TRIM28: variants seen among roughly 807,000 people sequenced by gnomAD.
The protein encoded by TRIM28 is tripartite motif containing 28.
A neutral mutation model predicts 87.4 loss-of-function variants in TRIM28; 8 were observed. The ratio of observed to expected loss-of-function variants is 0.09; its 90% CI spans 0.05 to 0.17. The LOEUF is 0.17. Among genes scored for constraint, TRIM28 ranks in the 10% least tolerant of loss-of-function variants. The pLI is 1.00. For synonymous variants in TRIM28, 601 were observed against 454.3 expected (o/e 1.32, Z -4.11); for missense variants, 968 against 1,131.8 (o/e 0.86, Z 2.08).
In TRIM28 at chr19:58,550,377, G is replaced by T; in HGVS notation, c.2332G>T (p.Asp778Tyr). ...MFKQFNKLTE[D>Y]KADVQSIIGL... ...TCCACTGCATTCCTGCTTGGCCCAG[G>T]ACAAGGCAGACGTGCAGTCCATCAT... is the stretch of plus-strand genomic sequence containing the variant. The change falls in exon 17 of 17, where the codon GAC becomes TAC. Residue 778 changes from aspartate to tyrosine, a missense_variant and splice_region_variant. Asp to Tyr is a radical substitution (Grantham distance 160, BLOSUM62 -3). Coordinates refer to ENST00000253024, the MANE Select transcript of TRIM28 (RefSeq NM_005762.3). 6.2e-7 allele frequency: 1 copy of T among 1,613,956 alleles called. No homozygotes were observed.
intron 1 of TRIM28, 150 bp from the exon 2 acceptor site, chr19:58,545,275 C>T (rs1476153542): frequency 1.9e-5 from 17 of 890,472 alleles, no homozygotes; most frequent in Middle Eastern, 3.6e-4. Flanking sequence ...GATGGGACAT[C>T]TGACTAAAGT....
At position 58,549,202 on chromosome 19, in the gene TRIM28, C is replaced by G. The variant is rs1352311708; in HGVS notation, c.1624C>G (p.Pro542Ala). The G allele has an allele frequency of 1.9e-6, 3 of 1,613,748 alleles. No homozygotes were observed. The African/African-American group carries it at 4.0e-5, about 22-fold the overall frequency. Residue 542 changes from proline to alanine, a missense_variant, in exon 12 of 17, where the codon CCT (proline) becomes GCT (alanine). Around this residue, in one of 11 missense-constraint regions of TRIM28, gnomAD observed 164 missense variants for 146.2 expected, o/e 1.12. Transcript: ENST00000253024. The surrounding 1 kb of genome is among the most constrained non-coding windows in gnomAD (Gnocchi z 4.4). ...GCCAGGGACTGCGCCTGCAGGAACC[C>G]CTGGTGCCCCACCCCTGGCTGGCAT... ...GQPGTAPAGT[P>A]GAPPLAGMAI...
Position 58,545,083 on chromosome 19 carries a change from C to A in TRIM28, c.326C>A (p.Ala109Glu). The A allele has an allele frequency of 2.8e-6, 4 of 1,432,046 alleles. No individual in the cohort carries two copies. Among genetic ancestry groups the A allele is most frequent in the Non-Finnish European group, 3.6e-6 (4 of 1,105,930 alleles). 88.7% of individuals were successfully genotyped at this position (1,432,046 alleles called of 1,614,324 possible). The change falls in exon 1 of 17, where the codon GCG becomes GAG. Residue 109 changes from alanine (A) to glutamate (E), a missense_variant. Around this residue, in one of 11 missense-constraint regions of TRIM28, gnomAD observed 208 missense variants for 170.9 expected, o/e 1.22. Transcript: ENST00000253024. ...AACAGCTCGGGGGACGGCGGGGCGG[C>A]GGGCGACGGCACCGGTAAGTACGAA... ...AANSSGDGGA[A>E]GDGTVVDCPV... is the part of the protein sequence containing the mutation.
chr19:58,544,771 C>A lies in TRIM28; in HGVS notation c.14C>A (p.Ala5Glu). The A allele has an allele frequency of 1.7e-6, 2 of 1,145,194 alleles. No homozygotes were observed. The highest frequency in any genetic ancestry group is 2.1e-6 in the Non-Finnish European group (2 of 934,110). The allele number at this position is 1,145,194 out of a possible 1,614,324, so 70.9% of individuals were successfully genotyped here. Residue 5 changes from alanine to glutamate, a missense_variant, in exon 1 of 17, where the codon GCG (alanine) becomes GAG (glutamate). Physicochemically the swap from Ala to Glu is moderately radical, Grantham distance 107 (BLOSUM62 -1). Around this residue, in one of 11 missense-constraint regions of TRIM28, gnomAD observed 208 missense variants for 170.9 expected, o/e 1.22. Transcript: ENST00000253024. ...GGCGGCGTGTGAATGGCGGCCTCCG[C>A]GGCGGCAGCCTCGGCAGCAGCGGCC... The part of the protein sequence containing the change: MAAS[A>E]AAASAAAASA...
chr19:58,545,090 C>T lies in TRIM28; in HGVS notation c.333C>T (p.Asp111=). 1 of 1,426,582 alleles carries T rather than the reference C, an allele frequency of 7.0e-7. No individual in the cohort carries two copies. Among genetic ancestry groups the T allele is most frequent in the African/African-American group, 1.5e-5 (1 of 67,160 alleles). The allele number at this position is 1,426,582 out of a possible 1,614,324, so 88.4% of individuals were successfully genotyped here. A position where few individuals can be genotyped will look rare whatever the true frequency, so the allele number is the denominator to read the frequency against. ...CGGGGGACGGCGGGGCGGCGGGCGACGGCACCGGTAAGTACGAAGTGATCG... is the reference window on the plus strand; with the variant it reads ...CGGGGGACGGCGGGGCGGCGGGCGATGGCACCGGTAAGTACGAAGTGATCG... ...NSSGDGGAAG[D]GTVVDCPVCK... The change falls in exon 1 of 17, where the codon GAC becomes GAT. Residue 111 remains aspartate, a synonymous_variant. Coordinates refer to ENST00000253024, the MANE Select transcript of TRIM28 (RefSeq NM_005762.3).
In TRIM28 at chr19:58,548,722, G is replaced by T; in HGVS notation, c.1324-18G>T. ...GGTTCCTGTCCCACTGAGGCAGAGG[G>T]TTCTGCTTTGTTCACAGCCCATGGA... is the stretch of plus-strand genomic sequence containing the variant. On this transcript the variant is annotated intron_variant, in intron 9 of 16. Transcript: ENST00000253024. 1.2e-6 allele frequency: 2 copies of T among 1,613,426 alleles called. No individual in the cohort carries two copies. The highest frequency in any genetic ancestry group is 1.3e-5 in the African/African-American group (1 of 74,992).
At chr19:58,547,228 G>A (rs539746166) in intron 3 of TRIM28, 148 bp from the exon 4 acceptor site, 2 of 994,312 alleles carry the variant, frequency 2.0e-6, no homozygotes, top group Non-Finnish European at 2.9e-6. Context: ...TTGCAGGCCT[G>A]TGTTCTTCCC....
At chr19:58,547,266 A>G in intron 3 of TRIM28, 110 bp from the exon 4 acceptor site, 2 of 1,414,668 alleles carry the variant, frequency 1.4e-6, no homozygotes, top group Non-Finnish European at 9.7e-7. Context: ...TCTTCCCAAT[A>G]AATGGCCCAG....
At position 58,549,185 on chromosome 19, in the gene TRIM28, C is replaced by G. The variant is rs754388149; in HGVS notation, c.1607C>G (p.Thr536Ser). ...GCTGCAGCTACCGGCCAGCCAGGGACTGCGCCTGCAGGAACCCCTGGTGCC... is the reference window on the plus strand; with the variant it reads ...GCTGCAGCTACCGGCCAGCCAGGGAGTGCGCCTGCAGGAACCCCTGGTGCC... ...AAAAATGQPG[T>S]APAGTPGAPP... Residue 536 changes from threonine (T) to serine (S), a missense_variant, in exon 12 of 17, where the codon ACT (threonine) becomes AGT (serine). Coordinates refer to ENST00000253024, the MANE Select transcript of TRIM28 (RefSeq NM_005762.3). This position sits in a 1 kb window ranked among gnomAD's most constrained non-coding sequence, Gnocchi z 4.4. 11 of 1,613,934 alleles carry G rather than the reference C, an allele frequency of 6.8e-6. No homozygotes were observed. Among genetic ancestry groups the G allele is most frequent in the Non-Finnish European group, 7.6e-6 (9 of 1,179,928 alleles).
chr19:58,545,348 C>T (rs1025864996), intron 1 of TRIM28, 77 bp from the exon 2 acceptor site: 3 of 1,223,170 alleles, frequency 2.5e-6, no homozygotes, highest in Admixed American at 4.1e-5. Context: ...GTCGGGGGCC[C>T]ACCCAGCAGG....
At chr19:58,545,699 T>C in intron 2 of TRIM28, 65 bp from the exon 3 acceptor site, 2 of 1,575,258 alleles carry the variant, frequency 1.3e-6, no homozygotes, top group Non-Finnish European at 1.7e-6. Flanking sequence ...GGTTGTATTT[T>C]CTGGGATGTA....
Position 58,549,120 on chromosome 19 carries a change from T to G in TRIM28, c.1542T>G (p.Thr514=), listed in dbSNP as rs1281428307. The part of the protein sequence containing the change: ...PVFKVFPGST[T]EDYNLIVIER... ...TCAAGGTCTTCCCAGGCAGTACCAC[T>G]GAGGACTACAACCTTATTGTTATTG... Residue 514 remains threonine, a synonymous_variant, in exon 12 of 17, where the codon ACT becomes ACG. Coordinates refer to ENST00000253024, the MANE Select transcript of TRIM28 (RefSeq NM_005762.3). This position sits in a 1 kb window ranked among gnomAD's most constrained non-coding sequence, Gnocchi z 4.4. 3 of 1,614,160 alleles carry G rather than the reference T, an allele frequency of 1.9e-6. No homozygotes were observed. The highest frequency in any genetic ancestry group is 2.5e-6 in the Non-Finnish European group (3 of 1,180,016).
At position 58,548,675 on chromosome 19, in the gene TRIM28, G is replaced by C. The variant is rs374218348; in HGVS notation, c.1324-65G>C. On this transcript the variant is annotated intron_variant, in intron 9 of 16. Transcript: ENST00000253024. The stretch of plus-strand genomic sequence containing the variant: ...AGAGAGGACCCAGGCAGGGGGGGTG[G>C]GCAGGGAATGGGGTCCAGTAGGGTT... 3 of 1,606,106 alleles carry C rather than the reference G, an allele frequency of 1.9e-6. No homozygotes were observed. The African/African-American group carries it at 4.0e-5, about 22-fold the overall frequency.
At position 58,545,479 on chromosome 19, in the gene TRIM28, A is replaced by G. The variant is rs754363269; in HGVS notation, c.395A>G (p.Asn132Ser). 1 of 1,581,850 alleles carries G rather than the reference A, an allele frequency of 6.3e-7. No homozygotes were observed. The highest frequency in any genetic ancestry group is 8.6e-7 in the Non-Finnish European group (1 of 1,160,012). The stretch of plus-strand genomic sequence containing the variant: ...TGCTTCTCCAAAGACATCGTGGAGA[A>G]TTATTTCATGCGTGATAGTGGCAGC... ...QQCFSKDIVENYFMRDSGSKA... is the reference protein window; with the variant it reads ...QQCFSKDIVESYFMRDSGSKA... The change falls in exon 2 of 17, where the codon AAT becomes AGT. Residue 132 changes from asparagine (N) to serine (S), a missense_variant. By Grantham distance (46) the Asn-to-Ser change is conservative. Around this residue, in one of 11 missense-constraint regions of TRIM28, gnomAD observed 51 missense variants for 69.3 expected, o/e 0.74. Transcript: ENST00000253024.
chr19:58,544,809 G>C lies in TRIM28; in HGVS notation c.52G>C (p.Gly18Arg). Residue 18 changes from glycine to arginine, a missense_variant, in exon 1 of 17, where the codon GGC (glycine) becomes CGC (arginine). This residue lies in a region of TRIM28 where 208 missense variants were observed against 170.9 expected (regional missense o/e 1.22). Coordinates refer to ENST00000253024, the MANE Select transcript of TRIM28 (RefSeq NM_005762.3). ...ASAAAASAAS[G>R]SPGPGEGSAG... is the part of the protein sequence containing the mutation. ...GGCAGCAGCGGCCTCGGCCGCCTCT[G>C]GCAGCCCGGGCCCGGGCGAGGGCTC... is the stretch of plus-strand genomic sequence containing the variant. 1 of 1,225,796 alleles carries C rather than the reference G, an allele frequency of 8.2e-7. No homozygotes were observed. The allele number at this position is 1,225,796 out of a possible 1,614,324, so 75.9% of individuals were successfully genotyped here.
At chr19:58,545,629 C>CT (rs1366461543) in intron 2 of TRIM28, 92 bp downstream of exon 2, 2 of 1,497,010 alleles carry the variant, frequency 1.3e-6, no homozygotes, top group African/African-American at 1.4e-5. Context: ...TGTTACTCCA[C>CT]TTTCCCAAGG....
intron 1 of TRIM28, 105 bp from the exon 2 acceptor site, chr19:58,545,320 G>C (rs2053751424): frequency 8.8e-6 from 9 of 1,021,762 alleles, no homozygotes; most frequent in Admixed American, 6.8e-5. Flanking sequence ...GGAGGGGCTG[G>C]TTCGCTGCGG....
At chr19:58,547,958 G>T (rs775858258) in intron 6 of TRIM28, 52 bp downstream of exon 6, 3 of 1,613,674 alleles carry the variant, frequency 1.9e-6, no homozygotes, top group Non-Finnish European at 2.5e-6. Context: ...GCTGATTGAT[G>T]ATGCTGTCTG....
In TRIM28 at chr19:58,544,530, T is replaced by G. The variant is rs962631475; in HGVS notation, c.-228T>G. On this transcript the variant is annotated 5_prime_UTR_variant, in exon 1 of 17. Coordinates refer to ENST00000253024, the MANE Select transcript of TRIM28 (RefSeq NM_005762.3). ...GCGTGGTGCGGGTTTCGGCGGCGGC[T>G]GAGGAAGAAGCGCGGGCGGCGCCTT... The G allele has an allele frequency of 4.6e-5, 7 of 152,952 alleles. No individual in the cohort carries two copies. Among genetic ancestry groups the G allele is most frequent in the Admixed American group, 2.0e-4 (3 of 15,224 alleles). The allele number at this position is 152,952 out of a possible 1,614,324, so 9.5% of individuals were successfully genotyped here.
Sources: gnomAD v4.1 joint callset for allele counts on GRCh38, gnomAD v4.1.1 for gene constraint, gnomAD v4.1.1 regional missense constraint, Gnocchi (gnomAD v3.1) non-coding constraint, MANE v1.5 for transcripts, NCBI Gene and HGNC (gene_info 2026-07-23, HGNC 2026-07-21) for gene names.